The following ITIH2 variants were observed in gnomAD, a reference collection of about 807,000 sequenced individuals.
The protein encoded by ITIH2 is inter-alpha-trypsin inhibitor heavy chain 2.
Under a neutral mutation model 104.4 loss-of-function variants are expected in ITIH2, and 103 were observed. The ratio of observed to expected loss-of-function variants is 0.99; its 90% CI spans 0.84 to 1.16. ITIH2 has a LOEUF of 1.16. ITIH2 is among the 50% of genes most tolerant of loss of function. The probability of loss-of-function intolerance (pLI) is 0.00; values close to 1 mark genes in which losing one functional copy is unlikely to be tolerated. For synonymous variants in ITIH2, 436 were observed against 435.4 expected, an observed-to-expected ratio of 1.00 and a Z score of -0.02; for missense variants, 1,108 against 1,162.4, an observed-to-expected ratio of 0.95 and a Z score of 0.68.
Position 7,732,000 on chromosome 10 carries a change from C to G in ITIH2, c.1647+4C>G, listed in dbSNP as rs1220539978. The G allele has an allele frequency of 6.2e-7, 1 of 1,608,886 alleles. No homozygotes were observed. Among genetic ancestry groups the G allele is most frequent in the East Asian group, 2.2e-5 (1 of 44,864 alleles). On this transcript the variant is annotated splice_donor_region_variant and intron_variant, in intron 13 of 20. Transcript: ENST00000358415. ...GAGCGTTATCACGGCGACTTCGGTA[C>G]TTCCACTTATCCATTTATTCTATCT...
At chr10:7,703,598 GC>G (rs1459493705) in intron 1 of ITIH2, 80 bp downstream of exon 1, 3 of 850,052 alleles carry the variant, frequency 3.5e-6, no homozygotes, top group Non-Finnish European at 4.0e-6. Context: ...CTATTCAATG[GC>G]CTTATTCTGT....
chr10:7,731,621 G>C (rs1471034058), intron 12 of ITIH2, among the ~76,000 whole-genome samples, 190 bp from the exon 13 acceptor site: 2 of 151,988 alleles, frequency 1.3e-5, no homozygotes, highest in African/African-American at 4.8e-5. Context: ...GCTACTTGTG[G>C]GGCTGAGGTG....
intron 2 of ITIH2, 132 bp from the exon 3 acceptor site, chr10:7,707,069 A>C: frequency 1.9e-6 from 1 of 525,668 alleles, no homozygotes; most frequent in Admixed American, 3.1e-5. Context: ...TTATGTCTCA[A>C]CTCCAGTGAA....
At chr10:7,744,659 C>G in intron 18 of ITIH2, 132 bp from the exon 19 acceptor site, 1 of 717,770 alleles carries the variant, frequency 1.4e-6, no homozygotes, top group Non-Finnish European at 2.3e-6. Flanking sequence ...TATCTATAAA[C>G]TGTTGCAAGC....
chr10:7,749,068 T>G, intron 20 of ITIH2, 119 bp from the exon 21 acceptor site: 4 of 939,918 alleles, frequency 4.3e-6, no homozygotes, highest in Non-Finnish European at 6.6e-6. Context: ...GGAGCAGCGA[T>G]AGGTGGGGGG....
chr10:7,717,187 C>T (rs1314594034), intron 5 of ITIH2, among the ~76,000 whole-genome samples: 1 of 152,038 alleles, frequency 6.6e-6, no homozygotes, highest in Non-Finnish European at 1.5e-5. Flanking sequence ...CTCCTGACCT[C>T]GTGATCCGCC....
chr10:7,730,486 G>A (rs1157024771), intron 12 of ITIH2, among the ~76,000 whole-genome samples: 1 of 152,090 alleles, frequency 6.6e-6, no homozygotes, highest in Non-Finnish European at 1.5e-5. Flanking sequence ...ACGTGCATTG[G>A]CATCTTGGTA....
intron 3 of ITIH2, among the ~76,000 whole-genome samples, chr10:7,708,023 G>A (rs139902121): frequency 2.8e-4 from 42 of 152,374 alleles, no homozygotes; most frequent in African/African-American, 8.2e-4. Context: ...CTTATGTTGT[G>A]CTTCCTGCCC....
intron 5 of ITIH2, among the ~76,000 whole-genome samples, chr10:7,716,549 A>T (rs1162331712): frequency 6.6e-6 from 1 of 152,070 alleles, no homozygotes; most frequent in East Asian, 2.0e-4. Flanking sequence ...CAGCCTGGTC[A>T]ACATGGCGAA....
Position 7,705,153 on chromosome 10 carries a change from C to A in ITIH2, c.130C>A (p.Gln44Lys). ...TGTGGAACTGGCCCCAGGCAAATTT[C>A]AATTGGTGGCAGAGAACCGGAGATA... ...DLVELAPGKF[Q>K]LVAENRRYQR... The change falls in exon 2 of 21, where the codon CAA becomes AAA. Residue 44 changes from glutamine to lysine, a missense_variant. Transcript: ENST00000358415. The A allele has an allele frequency of 6.2e-7, 1 of 1,612,048 alleles. No individual in the cohort carries two copies. The highest frequency in any genetic ancestry group is 8.5e-7 in the Non-Finnish European group (1 of 1,178,720).
At chr10:7,745,982 A>G (rs1386234009) in intron 19 of ITIH2, among the ~76,000 whole-genome samples, 1 of 143,932 alleles carries the variant, frequency 6.9e-6, no homozygotes, top group Admixed American at 7.2e-5. Flanking sequence ...TCAAACTCCC[A>G]ACCTCAGGTG....
chr10:7,737,322 G>A (rs369132239), intron 15 of ITIH2, among the ~76,000 whole-genome samples: 1 of 148,758 alleles, frequency 6.7e-6, no homozygotes, highest in Admixed American at 6.8e-5. Flanking sequence ...AGGTTTATAC[G>A]TCTCTTTCTT....
At chr10:7,711,228 T>C (rs780433564) in intron 4 of ITIH2, among the ~76,000 whole-genome samples, 2 of 152,252 alleles carry the variant, frequency 1.3e-5, no homozygotes, top group African/African-American at 2.4e-5. Flanking sequence ...CTGAGGAAGA[T>C]GGCTTACAGC....
intron 15 of ITIH2, among the ~76,000 whole-genome samples, chr10:7,735,861 C>T (rs551502244): frequency 2.3e-4 from 35 of 151,872 alleles, no homozygotes; most frequent in Admixed American, 8.5e-4. Flanking sequence ...TTAGTAGAGA[C>T]GGGGTTTTAC....
At chr10:7,717,581 T>A in intron 5 of ITIH2, 45 bp from the exon 6 acceptor site, 1 of 1,584,588 alleles carries the variant, frequency 6.3e-7, no homozygotes, top group South Asian at 1.1e-5. Flanking sequence ...GTCTTGCTGC[T>A]CAATCATGTA....
intron 18 of ITIH2, among the ~76,000 whole-genome samples, chr10:7,744,516 T>C (rs1468776062): frequency 6.6e-6 from 1 of 152,216 alleles, no homozygotes; most frequent in Non-Finnish European, 1.5e-5. Context: ...AAACACTCAC[T>C]GTGTATGTGC....
intron 16 of ITIH2, among the ~76,000 whole-genome samples, chr10:7,742,822 A>G (rs982958298): frequency 6.6e-6 from 1 of 152,210 alleles, no homozygotes; most frequent in African/African-American, 2.4e-5. Context: ...TTGTGGGTGC[A>G]TATTTGTGTG....
intron 9 of ITIH2, among the ~76,000 whole-genome samples, chr10:7,726,546 A>C (rs1405226164): frequency 6.6e-6 from 1 of 152,222 alleles, no homozygotes; most frequent in East Asian, 1.9e-4. Context: ...TGGAATCAAA[A>C]TCATCACACG....
chr10:7,721,763 G>T lies in ITIH2; in HGVS notation c.853G>T (p.Ala285Ser), dbSNP rs1327408526. Residue 285 changes from alanine to serine, a missense_variant, in exon 8 of 21, where the codon GCT becomes TCT. Transcript: ENST00000358415. ...VLYDVKREEK[A>S]GELEVFNGYF... ...GTATGACGTGAAAAGAGAAGAGAAG[G>T]CTGGTGAACTGGAGGTGAGTGCACA... 1 of 1,613,962 alleles carries T rather than the reference G, an allele frequency of 6.2e-7. No individual in the cohort carries two copies. The highest frequency in any genetic ancestry group is 1.1e-5 in the South Asian group (1 of 91,062).
Sources: gnomAD v4.1 joint callset for allele counts (sites outside exome capture counted in the v4.1 genomes callset) on GRCh38, gnomAD v4.1.1 for gene constraint, MANE v1.5 for transcripts, NCBI Gene and HGNC (gene_info 2026-07-23, HGNC 2026-07-21) for gene names.